The following GNAL variants were observed in gnomAD, a reference collection of about 807,000 sequenced individuals.
GNAL encodes guanine nucleotide-binding protein G(olf) subunit alpha.
A neutral mutation model predicts 55.1 loss-of-function variants in GNAL; 18 were observed. The ratio of observed to expected loss-of-function variants is 0.33; its 90% confidence interval spans 0.23 to 0.48. GNAL has a LOEUF of 0.48. Ranked by LOEUF, GNAL falls within the 20% of genes least tolerant of loss-of-function variation. The pLI is 0.99. For missense variants in GNAL, 412 were observed against 614.1 expected (o/e 0.67, Z 3.48); for synonymous variants, 253 against 237.0 (o/e 1.07, Z -0.62).
chr18:11,793,183 T>G (rs1230319440), intron 4 of GNAL, among the ~76,000 whole-genome samples: 1 of 151,120 alleles, frequency 6.6e-6, no homozygotes, highest in Non-Finnish European at 1.5e-5. Flanking sequence ...TTTTAAAATT[T>G]GTGCATCAAA....
intron 1 of GNAL, among the ~76,000 whole-genome samples, chr18:11,741,594 A>G (rs746465308): frequency 6.6e-6 from 1 of 152,234 alleles, no homozygotes; most frequent in Non-Finnish European, 1.5e-5. Context: ...ATGTCAAGGC[A>G]TGGAAGTGTG....
chr18:11,859,502 A>G (rs1323829486), intron 5 of GNAL, among the ~76,000 whole-genome samples: 1 of 152,200 alleles, frequency 6.6e-6, no homozygotes, highest in African/African-American at 2.4e-5. Context: ...AGGCAATGGC[A>G]GGGAATTCCT....
Position 11,764,476 on chromosome 18 carries a change from G to T in GNAL, c.624+10531G>T, listed in dbSNP as rs145043852. On this transcript the variant is annotated intron_variant, in intron 4 of 11. Transcript: ENST00000334049. ...ACCAGTAGGCTTGAGCAATAAATAT[G>T]TAAGGGAGAAAACTGCTCAATCTTT... is the stretch of plus-strand genomic sequence containing the variant. Among the ~76,000 whole-genome samples the T allele has an allele frequency of 3.0e-4, 45 of 152,312 alleles. 1 individual carries two copies. The East Asian group carries it at 8.5e-3, about 29-fold the overall frequency.
intron 4 of GNAL, among the ~76,000 whole-genome samples, chr18:11,785,962 C>T (rs1464300156): frequency 6.6e-6 from 1 of 152,206 alleles, no homozygotes; most frequent in East Asian, 1.9e-4. Context: ...AATGACTGTT[C>T]CCTGTTCTAA....
intron 4 of GNAL, among the ~76,000 whole-genome samples, chr18:11,773,277 A>C (rs1398649012): frequency 6.6e-6 from 1 of 152,218 alleles, no homozygotes; most frequent in Non-Finnish European, 1.5e-5. Context: ...CTACAATTGC[A>C]ACAACTAGAA....
At chr18:11,797,444 T>C (rs1389371556) in intron 4 of GNAL, among the ~76,000 whole-genome samples, 1 of 152,146 alleles carries the variant, frequency 6.6e-6, no homozygotes, top group Non-Finnish European at 1.5e-5. Context: ...TGAGTGAATT[T>C]AGAAAACAAT....
Position 11,884,180 on chromosome 18 carries a change from A to C in GNAL, c.*3045A>C, listed in dbSNP as rs1382934906. The C allele has an allele frequency of 2.5e-6, 1 of 395,550 alleles. No individual in the cohort carries two copies. Among genetic ancestry groups the C allele is most frequent in the East Asian group, 4.4e-5 (1 of 22,630 alleles). 24.5% of individuals were successfully genotyped at this position (395,550 alleles called of 1,614,324 possible). A position where few individuals can be genotyped will look rare whatever the true frequency, so the allele number is the denominator to read the frequency against. The stretch of plus-strand genomic sequence containing the variant: ...GAGTGACGACATTAATAGCATTTAC[A>C]TACTGTACAGATGCAACCTTTGATG... On this transcript the variant is annotated 3_prime_UTR_variant, in exon 12 of 12. Transcript: ENST00000334049.
intron 4 of GNAL, among the ~76,000 whole-genome samples, chr18:11,817,670 A>G (rs1348854901): frequency 2.6e-5 from 4 of 151,512 alleles, no homozygotes; most frequent in Admixed American, 6.6e-5. Context: ...GCTCACTGCA[A>G]CCTCCACCTC....
chr18:11,742,436 C>T (rs896256925), intron 1 of GNAL, among the ~76,000 whole-genome samples: 2 of 152,248 alleles, frequency 1.3e-5, no homozygotes, highest in Admixed American at 6.5e-5. Flanking sequence ...GAGGGGAGTA[C>T]TGTTACCCTC....
chr18:11,835,486 G>A (rs778051278), intron 5 of GNAL, among the ~76,000 whole-genome samples: 1 of 151,698 alleles, frequency 6.6e-6, no homozygotes, highest in Non-Finnish European at 1.5e-5. Context: ...AAGCCTAAAA[G>A]TACAGTAAAA....
intron 4 of GNAL, among the ~76,000 whole-genome samples, chr18:11,797,228 G>A (rs1050124806): frequency 3.3e-5 from 5 of 150,654 alleles, no homozygotes; most frequent in Admixed American, 1.3e-4. Context: ...CACCGCACCC[G>A]GCCAGAACTT....
intron 5 of GNAL, among the ~76,000 whole-genome samples, chr18:11,837,870 G>T (rs2035530289): frequency 6.6e-6 from 1 of 152,158 alleles, no homozygotes; most frequent in African/African-American, 2.4e-5. Flanking sequence ...GCTGGGCATG[G>T]TGGCTCACAC....
At chr18:11,879,866 C>T (rs1046307954) in intron 11 of GNAL, among the ~76,000 whole-genome samples, 1 of 151,714 alleles carries the variant, frequency 6.6e-6, no homozygotes, top group Non-Finnish European at 1.5e-5. Context: ...AACCAGGGGA[C>T]ACCCTGCTTA....
intron 1 of GNAL, among the ~76,000 whole-genome samples, chr18:11,700,914 A>G (rs898564200): frequency 6.6e-6 from 1 of 152,236 alleles, no homozygotes; most frequent in African/African-American, 2.4e-5. Context: ...TTGAGTCACA[A>G]GGGAAAAGGC....
chr18:11,795,390 C>CAAAA (rs752221474), intron 4 of GNAL, among the ~76,000 whole-genome samples: 17 of 68,252 alleles, frequency 2.5e-4, no homozygotes, highest in East Asian at 8.3e-4. Flanking sequence ...GACCCTGTCT[C>CAAAA]AAAAAAAAAA....
At chr18:11,852,193 G>A in intron 5 of GNAL, 1 of 1,438,168 alleles carries the variant, frequency 7.0e-7, no homozygotes, top group Non-Finnish European at 9.2e-7. Context: ...CTATACCCTA[G>A]AAACTCTGAA....
chr18:11,880,672 G>C (rs887658132), intron 11 of GNAL, among the ~76,000 whole-genome samples: 1 of 152,212 alleles, frequency 6.6e-6, no homozygotes, highest in Non-Finnish European at 1.5e-5. Flanking sequence ...TGGCAGGGCA[G>C]ATAGTGGACA....
chr18:11,691,732 G>T (rs905923676), intron 1 of GNAL, among the ~76,000 whole-genome samples: 4 of 152,070 alleles, frequency 2.6e-5, no homozygotes, highest in African/African-American at 9.7e-5. Context: ...TTTCCCCATT[G>T]CTTGTTTTTC....
intron 4 of GNAL, among the ~76,000 whole-genome samples, chr18:11,773,958 A>G (rs2033707633): frequency 6.6e-6 from 1 of 152,176 alleles, no homozygotes; most frequent in African/African-American, 2.4e-5. Context: ...GTTAATTAGT[A>G]TCTCTATGCT....
Sources: allele counts gnomAD v4.1 joint callset (sites outside exome capture counted in the v4.1 genomes callset), GRCh38; gene constraint gnomAD v4.1.1; transcripts MANE v1.5; gene names NCBI Gene and HGNC (gene_info 2026-07-23, HGNC 2026-07-21).